RBFOX1: variants seen among roughly 807,000 people sequenced by gnomAD.
RBFOX1 encodes the protein RNA binding fox-1 homolog 1.
A neutral mutation model predicts 57.7 loss-of-function variants in RBFOX1; 8 were observed. The ratio of observed to expected loss-of-function variants is 0.14; its 90% CI spans 0.08 to 0.25. The LOEUF is 0.25. Among genes scored for constraint, RBFOX1 ranks in the 10% least tolerant of loss-of-function variants. RBFOX1 has a pLI of 1.00. For synonymous variants in RBFOX1, 326 were observed against 222.4 expected (o/e 1.47, Z -4.15); for missense variants, 611 against 548.5 (o/e 1.11, Z -1.14).
intron 1 of RBFOX1, among the ~76,000 whole-genome samples, chr16:5,396,812 C>T (rs557021828): frequency 6.6e-6 from 1 of 152,304 alleles, no homozygotes; most frequent in African/African-American, 2.4e-5. Context: ...CAGCAAACTC[C>T]AGCAGAGAGA....
intron 3 of RBFOX1, among the ~76,000 whole-genome samples, chr16:7,011,896 A>T (rs968482054): frequency 6.6e-6 from 1 of 152,172 alleles, no homozygotes; most frequent in Non-Finnish European, 1.5e-5. Context: ...CTCAAGTGGT[A>T]TTGCATGCTC....
At chr16:7,358,921 T>C (rs2097267616) in intron 4 of RBFOX1, among the ~76,000 whole-genome samples, 1 of 152,242 alleles carries the variant, frequency 6.6e-6, no homozygotes, top group African/African-American at 2.4e-5. Flanking sequence ...TCTCTAAGAC[T>C]TGGAATTTCG....
chr16:6,859,895 G>C (rs1304670583), intron 3 of RBFOX1, among the ~76,000 whole-genome samples: 1 of 152,192 alleles, frequency 6.6e-6, no homozygotes. Flanking sequence ...ATGCATTGGA[G>C]AGAAGTGTTA....
At chr16:6,918,731 A>C (rs575318323) in intron 3 of RBFOX1, among the ~76,000 whole-genome samples, 3 of 152,172 alleles carry the variant, frequency 2.0e-5, no homozygotes, top group East Asian at 1.9e-4. Context: ...AATGCAGACA[A>C]CATGAAGCGG....
chr16:7,062,701 A>G (rs1446239310), intron 4 of RBFOX1, among the ~76,000 whole-genome samples: 1 of 152,100 alleles, frequency 6.6e-6, no homozygotes, highest in Non-Finnish European at 1.5e-5. Flanking sequence ...AATGCTAAAT[A>G]TGGTGAAGAA....
intron 4 of RBFOX1, among the ~76,000 whole-genome samples, chr16:7,392,840 T>G (rs892305024): frequency 2.7e-5 from 4 of 150,934 alleles, no homozygotes; most frequent in Admixed American, 6.6e-5. Flanking sequence ...TTTTTTGTTG[T>G]TTTGGTTTGG....
At chr16:7,491,143 T>C (rs866812889) in intron 4 of RBFOX1, among the ~76,000 whole-genome samples, 62 of 152,218 alleles carry the variant, frequency 4.1e-4, no homozygotes, top group African/African-American at 1.5e-3. Flanking sequence ...TACTAAGATA[T>C]TCAAATCATG....
chr16:5,447,752 G>A (rs937540133), intron 1 of RBFOX1, among the ~76,000 whole-genome samples: 4 of 152,174 alleles, frequency 2.6e-5, no homozygotes, highest in African/African-American at 9.6e-5. Context: ...AGCACGTGAT[G>A]TTATCCTCCC....
chr16:5,265,637 G>GT (rs540031591), intron 1 of RBFOX1, among the ~76,000 whole-genome samples: 71 of 152,082 alleles, frequency 4.7e-4, no homozygotes, highest in Admixed American at 8.5e-4. Flanking sequence ...AGAAGTGTTT[G>GT]TTTTTTTTAG....
intron 2 of RBFOX1, among the ~76,000 whole-genome samples, chr16:5,524,249 A>G (rs1321796631): frequency 6.6e-6 from 1 of 152,174 alleles, no homozygotes; most frequent in Non-Finnish European, 1.5e-5. Context: ...GTAACTCAGG[A>G]GAGTGTGGAC....
chr16:5,378,563 C>A (rs60602687), intron 1 of RBFOX1, among the ~76,000 whole-genome samples: 1 of 151,304 alleles, frequency 6.6e-6, no homozygotes, highest in Non-Finnish European at 1.5e-5. Flanking sequence ...GCAAGTTGTC[C>A]CAGTTATACC....
Position 5,774,294 on chromosome 16 carries a change from G to C in RBFOX1, c.319-93009G>C, listed in dbSNP as rs887572614. ...AGACCAACATTCCTTTTCTGTTTCT[G>C]GATTAATAACACACTGGCTTCCTTT... On this transcript the variant is annotated intron_variant, in intron 3 of 19. Transcript: ENST00000641259. Among the ~76,000 whole-genome samples the C allele has an allele frequency of 2.6e-5, 4 of 152,256 alleles. No individual in the cohort carries two copies. In the East Asian group the frequency reaches 7.7e-4, roughly 29 times the overall value.
chr16:5,869,972 T>C (rs1382402352), intron 4 of RBFOX1, among the ~76,000 whole-genome samples: 1 of 151,968 alleles, frequency 6.6e-6, no homozygotes, highest in Non-Finnish European at 1.5e-5. Flanking sequence ...ATTCATGCAA[T>C]GAAATACAAT....
intron 11 of RBFOX1, among the ~76,000 whole-genome samples, chr16:7,638,046 TAAA>T (rs1407496887): frequency 6.6e-6 from 1 of 152,210 alleles, no homozygotes; most frequent in East Asian, 1.9e-4. Context: ...ATTTGGGTGT[TAAA>T]AGATTGCATT....
In RBFOX1 at chr16:5,410,987, G is replaced by A. The variant is rs184039300; in HGVS notation, c.220-56229G>A. On this transcript the variant is annotated intron_variant, in intron 1 of 2. Coordinates refer to the RBFOX1 transcript ENST00000585867. The stretch of plus-strand genomic sequence containing the variant: ...AAAGGTTGGCGTGAAGATTAGGCGG[G>A]CCAACACAACAAAGTGCTTCCAACC... 2.4e-3 allele frequency among the ~76,000 whole-genome samples: 373 copies of A among 152,280 alleles called. 1 individual carries two copies. The highest frequency in any genetic ancestry group is 8.4e-3 in the African/African-American group (350 of 41,548).
intron 3 of RBFOX1, among the ~76,000 whole-genome samples, chr16:6,994,996 T>C (rs1010539741): frequency 1.3e-5 from 2 of 150,524 alleles, no homozygotes; most frequent in Admixed American, 1.3e-4. Flanking sequence ...TTTAAAAATG[T>C]GTTTGCATAC....
intron 2 of RBFOX1, among the ~76,000 whole-genome samples, chr16:6,551,269 G>A (rs62015487): frequency 0.024 from 3,629 of 152,292 alleles, 63 homozygotes; most frequent in Middle Eastern, 0.099. Context: ...AAATACATAT[G>A]TGACTGCTGC....
At chr16:5,742,425 C>G (rs1336556871) in intron 3 of RBFOX1, among the ~76,000 whole-genome samples, 1 of 151,586 alleles carries the variant, frequency 6.6e-6, no homozygotes, top group Admixed American at 6.6e-5. Context: ...GAGCCCAGTG[C>G]TTTTATAGCG....
At chr16:6,745,715 G>A (rs565893042) in intron 3 of RBFOX1, among the ~76,000 whole-genome samples, 2 of 152,280 alleles carry the variant, frequency 1.3e-5, no homozygotes, top group South Asian at 2.1e-4. Flanking sequence ...TACTGGTGTT[G>A]CCCCCAAGAT....
Sources: allele counts gnomAD v4.1 joint callset (sites outside exome capture counted in the v4.1 genomes callset), GRCh38; gene constraint gnomAD v4.1.1; transcripts MANE v1.5; gene names NCBI Gene and HGNC (gene_info 2026-07-23, HGNC 2026-07-21).